The following USP36 variants were observed in gnomAD, a reference collection of about 807,000 sequenced individuals.
USP36 encodes ubiquitin specific peptidase 36, also known as ubiquitin carboxyl-terminal hydrolase 36.
A neutral mutation model predicts 111.5 loss-of-function variants in USP36; 59 were observed. That is an observed-to-expected ratio of 0.53 (90% CI 0.43 to 0.66). USP36 has a LOEUF of 0.66. Ranked by LOEUF, USP36 falls within the 30% of genes least tolerant of loss-of-function variation. The probability of loss-of-function intolerance (pLI) is 0.00; values close to 1 mark genes in which losing one functional copy is unlikely to be tolerated. For synonymous variants in USP36, 628 were observed against 581.0 expected (o/e 1.08, Z -1.16); for missense variants, 1,488 against 1,468.0 (o/e 1.01, Z -0.22).
At position 78,798,246 on chromosome 17, in the gene USP36, A is replaced by G; in HGVS notation, c.*20+154T>C. 1.0e-6 allele frequency: 1 copy of G among 962,882 alleles called. No homozygotes were observed. Among genetic ancestry groups the G allele is most frequent in the Non-Finnish European group, 1.5e-6 (1 of 662,898 alleles). 59.6% of individuals were successfully genotyped at this position (962,882 alleles called of 1,614,324 possible). A position where few individuals can be genotyped will look rare whatever the true frequency, so the allele number is the denominator to read the frequency against. ...CAAGTGACTAGGACACACACCACAGACGCGCCCACACCACACACACCACCC... is the reference window on the plus strand; with the variant it reads ...CAAGTGACTAGGACACACACCACAGGCGCGCCCACACCACACACACCACCC... On this transcript the variant is annotated intron_variant, in intron 20 of 20. Coordinates refer to ENST00000449938, the MANE Select transcript of USP36 (RefSeq NM_001385174.1). This position sits in a 1 kb window ranked among gnomAD's most constrained non-coding sequence, Gnocchi z 5.1.
chr17:78,815,188 C>G (rs1403399020), intron 10 of USP36, among the ~76,000 whole-genome samples: 1 of 151,738 alleles, frequency 6.6e-6, no homozygotes, highest in African/African-American at 2.4e-5. Context: ...AAAAATTAGC[C>G]AGGCGTGGTG....
chr17:78,788,226 G>A (rs2144815487), intron 3 of USP36, among the ~76,000 whole-genome samples: 1 of 152,062 alleles, frequency 6.6e-6, no homozygotes, highest in East Asian at 1.9e-4. Flanking sequence ...GCGCAGTGGT[G>A]CAATCTCGGC....
At chr17:78,835,665 C>A (rs974235081) in intron 3 of USP36, among the ~76,000 whole-genome samples, 164 bp from the exon 4 acceptor site, 1 of 152,198 alleles carries the variant, frequency 6.6e-6, no homozygotes, top group African/African-American at 2.4e-5. Context: ...CTGGAAAGCT[C>A]AGGAGTAAAC....
chr17:78,799,877 CTTTTTTTTTTTTTTTTTT>C, intron 17 of USP36, 109 bp from the exon 18 acceptor site: 5 of 154,442 alleles, frequency 3.2e-5, no homozygotes, highest in South Asian at 2.0e-4. Context: ...GGATGCTTGC[CTTTTTTTTTTTTTTTTTT>C]TTTTTTTTTT....
intron 1 of USP36, 144 bp from the exon 2 acceptor site, chr17:78,838,894 G>A (rs974771328): frequency 2.0e-5 from 3 of 152,262 alleles, no homozygotes; most frequent in African/African-American, 7.2e-5. Context: ...CACTCAGGAT[G>A]AGGCGGGTGG....
intron 6 of USP36, chr17:78,826,824 A>G (rs927414326): frequency 1.0e-5 from 5 of 483,494 alleles, no homozygotes; most frequent in South Asian, 5.2e-5. Context: ...ATACATGTAC[A>G]TATAAATTAT....
chr17:78,825,193 C>T (rs764955497), intron 6 of USP36, among the ~76,000 whole-genome samples: 2 of 152,152 alleles, frequency 1.3e-5, no homozygotes, highest in African/African-American at 4.8e-5. Flanking sequence ...CAGCAGCCAC[C>T]GCCAAGCATG....
Position 78,798,971 on chromosome 17 carries a change from G to A in USP36, c.3177C>T (p.Asp1059=). The A allele has an allele frequency of 3.1e-6, 5 of 1,614,186 alleles. No individual in the cohort carries two copies. Among genetic ancestry groups the A allele is most frequent in the Non-Finnish European group, 4.2e-6 (5 of 1,180,050 alleles). Reference sequence around the variant, plus strand: ...CGGTCTCAGTCCGGGCCTGTCTGCTGTCTTCAATAGCATCCTGACTGACCG... The same window carrying A: ...CGGTCTCAGTCCGGGCCTGTCTGCTATCTTCAATAGCATCCTGACTGACCG... ...MSAVSQDAIE[D]SRQARTETVV... is the part of the protein sequence containing the mutation. Residue 1059 remains aspartate (D), a synonymous_variant, in exon 19 of 21, where the codon GAC becomes GAT. Transcript: ENST00000449938. The surrounding 1 kb of genome is among the most constrained non-coding windows in gnomAD (Gnocchi z 5.1).
rs967057335 is a variant in USP36 at position 78,801,937 on chromosome 17, C to T, written c.3022+387G>A. 4.6e-5 allele frequency among the ~76,000 whole-genome samples: 7 copies of T among 152,326 alleles called. No individual in the cohort carries two copies. In the East Asian group the frequency reaches 1.2e-3, roughly 25 times the overall value. On this transcript the variant is annotated intron_variant, in intron 17 of 20. Coordinates refer to ENST00000449938, the MANE Select transcript of USP36 (RefSeq NM_001385174.1). Reference sequence around the variant, plus strand: ...ATGAGGAAGCTTCAACCCCATCACCCAAGGGAGCAGACTCGGGGGTGGGGG... The same window carrying T: ...ATGAGGAAGCTTCAACCCCATCACCTAAGGGAGCAGACTCGGGGGTGGGGG...
At chr17:78,823,321 G>A in intron 6 of USP36, 1 of 396,940 alleles carries the variant, frequency 2.5e-6, no homozygotes, top group Non-Finnish European at 4.4e-6. Context: ...TGCGTGTGAT[G>A]GCGGCTACCA....
intron 4 of USP36, among the ~76,000 whole-genome samples, chr17:78,831,174 C>T (rs1599094705): frequency 7.7e-6 from 1 of 130,272 alleles, no homozygotes; most frequent in Non-Finnish European, 1.5e-5. Flanking sequence ...TGCAGTGAGC[C>T]AAGATCACAC....
downstream of USP36, among the ~76,000 whole-genome samples, chr17:78,793,721 C>T (rs2093601565): frequency 6.6e-6 from 1 of 152,186 alleles, no homozygotes; most frequent in Non-Finnish European, 1.5e-5. Flanking sequence ...TCTCACAGCA[C>T]CGTCCAGTGT....
At chr17:78,815,926 ACACACACATATACACACATGCATG>A (rs1343756345) in intron 10 of USP36, among the ~76,000 whole-genome samples, 30 of 149,814 alleles carry the variant, frequency 2.0e-4, no homozygotes, top group African/African-American at 7.4e-4. Flanking sequence ...ACGCACACAT[ACACACACATATACACACATGCATG>A]CACACACATA....
At chr17:78,838,961 T>C (rs553213750) in intron 1 of USP36, among the ~76,000 whole-genome samples, 12 of 152,242 alleles carry the variant, frequency 7.9e-5, no homozygotes. Context: ...ACCTTAACCT[T>C]GACCCCAGAC....
At chr17:78,827,402 T>C (rs1054790010) in intron 5 of USP36, 55 bp from the exon 6 acceptor site, 4 of 1,533,508 alleles carry the variant, frequency 2.6e-6, no homozygotes, top group East Asian at 4.6e-5. Flanking sequence ...TCAAACGGCC[T>C]GCGGCTGCTT....
intron 4 of USP36, among the ~76,000 whole-genome samples, chr17:78,834,258 A>C (rs2068433911): frequency 6.6e-6 from 1 of 151,718 alleles, no homozygotes; most frequent in African/African-American, 2.4e-5. Flanking sequence ...AAAAAAAGTT[A>C]CACAGAAATA....
At chr17:78,805,306 A>G (rs1046448299) in intron 15 of USP36, among the ~76,000 whole-genome samples, 8 of 152,190 alleles carry the variant, frequency 5.3e-5, no homozygotes, top group African/African-American at 1.9e-4. Context: ...AACGAAAAAC[A>G]CCCAAACACT....
rs2094337922 is a variant in USP36 at position 78,821,829 on chromosome 17, G to C, written c.757+108C>G. On this transcript the variant is annotated intron_variant, in intron 7 of 20. Transcript: ENST00000449938. ...GCTCAAGACCTCAGAGACTGACCCA[G>C]GTCTGCACAGCGAAGAAAGAGCCCC... is the stretch of plus-strand genomic sequence containing the variant. 5 of 1,283,604 alleles carry C rather than the reference G, an allele frequency of 3.9e-6. No individual in the cohort carries two copies. In the Admixed American group the frequency reaches 7.5e-5, roughly 19 times the overall value. The allele number at this position is 1,283,604 out of a possible 1,614,324, so 79.5% of individuals were successfully genotyped here.
At chr17:78,832,601 A>G (rs7224341) in intron 4 of USP36, among the ~76,000 whole-genome samples, 8,598 of 152,284 alleles carry the variant, frequency 0.056, 768 homozygotes, top group African/African-American at 0.19. Context: ...ATTTACAGAT[A>G]TTATCTAGTT....
Sources: allele counts gnomAD v4.1 joint callset (sites outside exome capture counted in the v4.1 genomes callset), GRCh38; gene constraint gnomAD v4.1.1; non-coding constraint Gnocchi (gnomAD v3.1); transcripts MANE v1.5; gene names NCBI Gene and HGNC (gene_info 2026-07-23, HGNC 2026-07-21).